CATSPERG: variants seen among roughly 807,000 people sequenced by gnomAD.
CATSPERG encodes cation channel sperm-associated auxiliary subunit gamma.
Under a neutral mutation model 145.0 loss-of-function variants are expected in CATSPERG, and 115 were observed. The observed-to-expected ratio is 0.79, with a 90% CI of 0.68 to 0.93. The LOEUF (loss-of-function observed/expected upper bound fraction) is 0.93, where lower values mean the gene tolerates loss of function less well. CATSPERG is among the 40% of genes least tolerant of loss of function. The probability of loss-of-function intolerance (pLI) is 0.00; values close to 1 mark genes in which losing one functional copy is unlikely to be tolerated. For missense variants in CATSPERG, 1,296 were observed against 1,490.1 expected (o/e 0.87, Z 2.14); for synonymous variants, 588 against 589.0 (o/e 1.00, Z 0.02).
chr19:38,360,497 C>T lies in CATSPERG; in HGVS notation c.1617C>T (p.Tyr539=). ...AIVTETEEIW[Y]LLEGSYRVYQ... ...GGCTGTCATACCCGCAGATCTGGTA[C>T]CTCCTGGAGGGCAGCTACCGGGTCT... The change falls in exon 15 of 29, where the codon TAC becomes TAT. Residue 539 remains tyrosine (Y), a synonymous_variant. Transcript: ENST00000409235. The T allele has an allele frequency of 6.2e-7, 1 of 1,614,048 alleles. No individual in the cohort carries two copies. The highest frequency in any genetic ancestry group is 8.5e-7 in the Non-Finnish European group (1 of 1,179,990).
At chr19:38,362,894 T>C (rs1426961309) in intron 20 of CATSPERG, 62 bp downstream of exon 20, 10 of 1,048,582 alleles carry the variant, frequency 9.5e-6, no homozygotes, top group Admixed American at 2.2e-5. Context: ...TTTTTTTTTT[T>C]TGGAGACAGG....
At chr19:38,369,524 G>T in intron 26 of CATSPERG, 1 of 239,868 alleles carries the variant, frequency 4.2e-6, no homozygotes, top group South Asian at 5.4e-5. Context: ...GCCTCCCAAA[G>T]TGCTGGTATT....
At chr19:38,352,594 CCTTTTTTT>C in intron 8 of CATSPERG, 162 bp downstream of exon 8, 1 of 525,630 alleles carries the variant, frequency 1.9e-6, no homozygotes, top group African/African-American at 2.0e-5. Flanking sequence ...CTTGCCTTGC[CCTTTTTTT>C]TTTTTTTTTT....
At position 38,368,138 on chromosome 19, in the gene CATSPERG, G is replaced by A. The variant is rs1970487461; in HGVS notation, c.3020+1G>A. 1 of 1,613,718 alleles carries A rather than the reference G, an allele frequency of 6.2e-7. No individual in the cohort carries two copies. Among genetic ancestry groups the A allele is most frequent in the Non-Finnish European group, 8.5e-7 (1 of 1,179,764 alleles). ...TGTCCCACGAGAGCCCAGGCATCGAGTGAGTGCGTAGCCTGGCCCCTCTTG... is the reference window on the plus strand; with the variant it reads ...TGTCCCACGAGAGCCCAGGCATCGAATGAGTGCGTAGCCTGGCCCCTCTTG... On this transcript the variant is annotated splice_donor_variant, in intron 26 of 28. Transcript: ENST00000409235. LOFTEE classifies it high-confidence loss of function.
intron 7 of CATSPERG, among the ~76,000 whole-genome samples, chr19:38,351,344 T>C (rs1184427964): frequency 4.6e-5 from 7 of 151,678 alleles, no homozygotes; most frequent in East Asian, 1.9e-4. Flanking sequence ...TGCGGTGGCT[T>C]ACGCCTGTAA....
intron 13 of CATSPERG, 63 bp downstream of exon 13, chr19:38,358,624 G>C: frequency 1.2e-6 from 2 of 1,602,758 alleles, no homozygotes; most frequent in Non-Finnish European, 1.7e-6. Context: ...CTTTACGGTG[G>C]GGACCCTTTC....
chr19:38,363,605 C>G (rs1270352202), intron 20 of CATSPERG, among the ~76,000 whole-genome samples: 3 of 151,320 alleles, frequency 2.0e-5, no homozygotes, highest in East Asian at 1.9e-4. Context: ...GGCAGAGGAC[C>G]CTGGGGCCTT....
At chr19:38,358,143 T>C (rs1189637066) in intron 11 of CATSPERG, 135 bp from the exon 12 acceptor site, 3 of 777,186 alleles carry the variant, frequency 3.9e-6, no homozygotes, top group Non-Finnish European at 6.4e-6. Flanking sequence ...AAAGAAACTC[T>C]AAGGACTAGC....
chr19:38,352,089 G>C (rs958518750), intron 7 of CATSPERG, among the ~76,000 whole-genome samples, 172 bp from the exon 8 acceptor site: 3 of 152,222 alleles, frequency 2.0e-5, no homozygotes, highest in Non-Finnish European at 4.4e-5. Context: ...TGGTCCATAT[G>C]GGGGAGGTTT....
At chr19:38,344,903 T>TATA (rs1568372947) in intron 6 of CATSPERG, among the ~76,000 whole-genome samples, 24 of 86,168 alleles carry the variant, frequency 2.8e-4, no homozygotes, top group Admixed American at 8.4e-4. Flanking sequence ...ATATATATAT[T>TATA]TTTTTTTTTT....
intron 9 of CATSPERG, among the ~76,000 whole-genome samples, chr19:38,355,234 A>G (rs1970222614): frequency 6.6e-6 from 1 of 151,964 alleles, no homozygotes; most frequent in South Asian, 2.1e-4. Context: ...AATCCCAGCT[A>G]TTCAGGAGGC....
chr19:38,340,835 A>G (rs775861113), intron 3 of CATSPERG, among the ~76,000 whole-genome samples: 1 of 150,582 alleles, frequency 6.6e-6, no homozygotes, highest in Non-Finnish European at 1.5e-5. Context: ...GGCATGAAAG[A>G]ATTTCTGAGA....
At chr19:38,336,467 A>G in intron 1 of CATSPERG, 1 of 309,476 alleles carries the variant, frequency 3.2e-6, no homozygotes, top group Non-Finnish European at 6.4e-6. Context: ...GCGGAAGCAG[A>G]GTGAGGAGCA....
intron 3 of CATSPERG, among the ~76,000 whole-genome samples, chr19:38,341,900 C>G (rs773310763): frequency 2.0e-5 from 3 of 151,052 alleles, no homozygotes; most frequent in Non-Finnish European, 4.4e-5. Context: ...AAAACTCCGT[C>G]TCGGAAAAAA....
chr19:38,362,293 G>A (rs1970362416), intron 18 of CATSPERG, 21 bp downstream of exon 18: 1 of 1,613,568 alleles, frequency 6.2e-7, no homozygotes, highest in Non-Finnish European at 8.5e-7. Flanking sequence ...CGGATTGGGA[G>A]CCGGGAAAGG....
chr19:38,363,683 C>T (rs1225373455), intron 20 of CATSPERG, among the ~76,000 whole-genome samples: 1 of 151,740 alleles, frequency 6.6e-6, no homozygotes, highest in Non-Finnish European at 1.5e-5. Flanking sequence ...AGCATGCTGC[C>T]TTCAAGCATC....
At chr19:38,365,188 C>T in intron 22 of CATSPERG, 71 bp downstream of exon 22, 4 of 1,313,512 alleles carry the variant, frequency 3.0e-6, no homozygotes, top group Non-Finnish European at 4.4e-6. Context: ...GCTAATCCCC[C>T]TGAGAATCCC....
At chr19:38,368,174 G>T in intron 26 of CATSPERG, 37 bp downstream of exon 26, 1 of 1,583,428 alleles carries the variant, frequency 6.3e-7, no homozygotes. Flanking sequence ...GCCCCCATCT[G>T]TCGGTAGTCC....
In CATSPERG at chr19:38,367,683, A is replaced by G; in HGVS notation, c.2837A>G (p.Tyr946Cys). 10 of 1,613,996 alleles carry G rather than the reference A, an allele frequency of 6.2e-6. No homozygotes were observed. Among genetic ancestry groups the G allele is most frequent in the Non-Finnish European group, 8.5e-6 (10 of 1,179,970 alleles). The change falls in exon 25 of 29, where the codon TAT becomes TGT. Residue 946 changes from tyrosine to cysteine, a missense_variant and splice_region_variant. Physicochemically the swap from Tyr to Cys is radical, Grantham distance 194 (BLOSUM62 -2). Transcript: ENST00000409235. ...TGDSGSFQGS[Y>C]VLLVVGGGPT... ...GTGTGCACTTCTGTCCCTGGTAGCT[A>G]TGTTCTGCTGGTGGTGGGTGGCGGG...
Sources: allele counts gnomAD v4.1 joint callset (sites outside exome capture counted in the v4.1 genomes callset), GRCh38; gene constraint gnomAD v4.1.1; transcripts MANE v1.5; gene names NCBI Gene and HGNC (gene_info 2026-07-23, HGNC 2026-07-21).